CSPP1: variants seen among roughly 807,000 people sequenced by gnomAD.
CSPP1 encodes centrosome and spindle pole-associated protein 1.
A neutral mutation model predicts 164.4 loss-of-function variants in CSPP1; 126 were observed. That is an observed-to-expected ratio of 0.77 (90% CI 0.66 to 0.89). The LOEUF is 0.89. Among genes scored for constraint, CSPP1 ranks in the 40% least tolerant of loss-of-function variants. CSPP1 has a pLI of 0.00. For synonymous variants in CSPP1, 472 were observed against 476.7 expected, an observed-to-expected ratio of 0.99 and a Z score of 0.13; for missense variants, 1,395 against 1,449.8, an observed-to-expected ratio of 0.96 and a Z score of 0.61.
intron 30 of CSPP1, 130 bp from the exon 31 acceptor site, chr8:67,195,252 C>T (rs1319849985): frequency 1.4e-6 from 1 of 725,388 alleles, no homozygotes; most frequent in Non-Finnish European, 2.5e-6. Context: ...AACAAACAAA[C>T]AGTAGAGTTC....
At chr8:67,114,562 T>C (rs1187648174) in intron 12 of CSPP1, 192 bp downstream of exon 12, 1 of 152,388 alleles carries the variant, frequency 6.6e-6, no homozygotes, top group Non-Finnish European at 1.5e-5. Context: ...CTTTTACTTA[T>C]GCTGAGAATA....
At chr8:67,157,220 A>T (rs2129559795) in intron 19 of CSPP1, among the ~76,000 whole-genome samples, 1 of 152,320 alleles carries the variant, frequency 6.6e-6, no homozygotes, top group Non-Finnish European at 1.5e-5. Flanking sequence ...GCTTATGCAT[A>T]TTTAATAATG....
At position 67,112,150 on chromosome 8, in the gene CSPP1, G is replaced by A. The variant is rs74823821; in HGVS notation, c.1187+85G>A. The A allele has an allele frequency of 2.4e-3, 1,846 of 776,482 alleles. 26 individuals are homozygous for A. In the African/African-American group the frequency reaches 0.029, roughly 12 times the overall value. 48.1% of individuals were successfully genotyped at this position (776,482 alleles called of 1,614,324 possible). ...TGACATGGTTAAATAAGGGGTTGTC[G>A]TTCTAATATGATGTTTGATTTGTAA... is the stretch of plus-strand genomic sequence containing the variant. On this transcript the variant is annotated intron_variant, in intron 10 of 30. Coordinates refer to ENST00000678616, the MANE Select transcript of CSPP1 (RefSeq NM_001382391.1).
intron 16 of CSPP1, among the ~76,000 whole-genome samples, chr8:67,136,297 C>T (rs189880332): frequency 3.3e-5 from 5 of 152,090 alleles, no homozygotes; most frequent in African/African-American, 4.8e-5. Flanking sequence ...TGTGGCCAGG[C>T]GTGGTGGCTC....
Position 67,137,495 on chromosome 8 carries a change from G to A in CSPP1, c.1867G>A (p.Glu623Lys). Residue 623 changes from glutamate to lysine, a missense_variant, in exon 17 of 31, where the codon GAA becomes AAA. Glu to Lys is a moderately conservative substitution (Grantham distance 56, BLOSUM62 1). Coordinates refer to ENST00000678616, the MANE Select transcript of CSPP1 (RefSeq NM_001382391.1). Reference protein sequence around the residue: ...REERRKKEREEKEEYEAKLEA... With the variant: ...REERRKKEREKKEEYEAKLEA... ...AGAAAGAAGGAAGAAAGAACGTGAAGAAAAAGAAGAATATGAAGCTAAATT... is the reference window on the plus strand; with the variant it reads ...AGAAAGAAGGAAGAAAGAACGTGAAAAAAAAGAAGAATATGAAGCTAAATT... The A allele has an allele frequency of 6.4e-7, 1 of 1,553,072 alleles. No homozygotes were observed. Among genetic ancestry groups the A allele is most frequent in the Admixed American group, 1.8e-5 (1 of 55,530 alleles).
intron 1 of CSPP1, among the ~76,000 whole-genome samples, chr8:67,068,514 G>A (rs1311537059): frequency 6.6e-6 from 1 of 151,940 alleles, no homozygotes; most frequent in Admixed American, 6.6e-5. Flanking sequence ...ATTTATTTTT[G>A]GCAACTTAAT....
Position 67,160,067 on chromosome 8 carries a change from A to G in CSPP1, c.2538+930A>G, listed in dbSNP as rs189043389. Among the ~76,000 whole-genome samples, 5 of 110,242 alleles carry G rather than the reference A, an allele frequency of 4.5e-5. No homozygotes were observed. The Admixed American group carries it at 5.2e-4, about 11-fold the overall frequency. The allele number at this position is 110,242 out of a possible 152,430, so 72.3% of individuals were successfully genotyped here. A position where few individuals can be genotyped will look rare whatever the true frequency, so the allele number is the denominator to read the frequency against. On this transcript the variant is annotated intron_variant, in intron 21 of 30. Transcript: ENST00000678616. The stretch of plus-strand genomic sequence containing the variant: ...TCTTTTTCTTTCTTTTTGTTTTAAG[A>G]GACCAGGTCTTGCTATGTTGCCCAG...
At chr8:67,151,955 G>A (rs763063861) in intron 18 of CSPP1, among the ~76,000 whole-genome samples, 4 of 151,944 alleles carry the variant, frequency 2.6e-5, no homozygotes, top group Non-Finnish European at 5.9e-5. Context: ...GGGCGTGGTG[G>A]CATGTGCCTG....
intron 27 of CSPP1, among the ~76,000 whole-genome samples, chr8:67,178,697 A>G (rs1226198657): frequency 1.3e-5 from 2 of 152,072 alleles, no homozygotes; most frequent in Non-Finnish European, 2.9e-5. Context: ...CTTCTGGAGG[A>G]AGAACATTCC....
At chr8:67,169,037 A>G (rs1830010610) in intron 24 of CSPP1, among the ~76,000 whole-genome samples, 1 of 152,070 alleles carries the variant, frequency 6.6e-6, no homozygotes, top group African/African-American at 2.4e-5. Context: ...ACTCCATTAG[A>G]GCAGGGGCAT....
chr8:67,150,779 C>CT (rs984782658), intron 18 of CSPP1, among the ~76,000 whole-genome samples: 28 of 151,674 alleles, frequency 1.8e-4, no homozygotes, highest in African/African-American at 6.6e-4. Context: ...ATTCAATTAT[C>CT]TTTTTTTGAC....
At chr8:67,096,053 G>C (rs1261439694) in intron 7 of CSPP1, among the ~76,000 whole-genome samples, 1 of 152,180 alleles carries the variant, frequency 6.6e-6, no homozygotes, top group Non-Finnish European at 1.5e-5. Flanking sequence ...CCTTGGCAGT[G>C]AGTAGAGAGT....
At chr8:67,143,659 C>G (rs1402122572) in intron 17 of CSPP1, among the ~76,000 whole-genome samples, 1 of 151,906 alleles carries the variant, frequency 6.6e-6, no homozygotes, top group Non-Finnish European at 1.5e-5. Flanking sequence ...TTAATTGTTT[C>G]CCTAAATATT....
At chr8:67,088,564 A>G (rs952342516) in intron 4 of CSPP1, among the ~76,000 whole-genome samples, 1 of 148,380 alleles carries the variant, frequency 6.7e-6, no homozygotes, top group Non-Finnish European at 1.5e-5. Flanking sequence ...CTGGGATTAC[A>G]GGCATGAGCC....
In CSPP1 at chr8:67,195,691, T is replaced by TA. The variant is rs1837798667; in HGVS notation, c.*99dup. The TA allele has an allele frequency of 1.1e-6, 1 of 950,658 alleles. No individual in the cohort carries two copies. The highest frequency in any genetic ancestry group is 1.7e-5 in the African/African-American group (1 of 60,128). 58.9% of individuals were successfully genotyped at this position (950,658 alleles called of 1,614,324 possible). On this transcript the variant is annotated 3_prime_UTR_variant, in exon 31 of 31. Transcript: ENST00000678616. ...CTACTTTTGGCCCCTACCTGAAAGTTACTTTTTTTCCATCATCTGTATATA... is the reference window on the plus strand; with the variant it reads ...CTACTTTTGGCCCCTACCTGAAAGTTAACTTTTTTTCCATCATCTGTATATA...
intron 5 of CSPP1, among the ~76,000 whole-genome samples, chr8:67,092,786 G>A (rs1028972158): frequency 8.5e-5 from 13 of 152,198 alleles, no homozygotes; most frequent in African/African-American, 2.2e-4. Flanking sequence ...TTGTTTTAGC[G>A]ACACGGGAGT....
chr8:67,172,148 C>T (rs1006416498), intron 24 of CSPP1, among the ~76,000 whole-genome samples: 1 of 150,488 alleles, frequency 6.6e-6, no homozygotes, highest in Non-Finnish European at 1.5e-5. Context: ...CATGCCTGGC[C>T]TCATAATTTT....
intron 17 of CSPP1, among the ~76,000 whole-genome samples, chr8:67,142,248 A>G (rs112204572): frequency 6.4e-4 from 97 of 152,332 alleles, no homozygotes; most frequent in African/African-American, 2.1e-3. Context: ...AAATGTTAAA[A>G]CGTATACACC....
At chr8:67,146,006 C>T (rs1163551544) in intron 17 of CSPP1, among the ~76,000 whole-genome samples, 2 of 151,934 alleles carry the variant, frequency 1.3e-5, no homozygotes, top group Admixed American at 6.6e-5. Context: ...TTCTTTGACC[C>T]CCATTAGTTA....
Sources: allele counts gnomAD v4.1 joint callset (sites outside exome capture counted in the v4.1 genomes callset), GRCh38; gene constraint gnomAD v4.1.1; transcripts MANE v1.5; gene names NCBI Gene and HGNC (gene_info 2026-07-23, HGNC 2026-07-21).